The following LHFPL3 variants were observed in gnomAD, a reference collection of about 807,000 sequenced individuals.
The protein encoded by LHFPL3 is LHFPL tetraspan subfamily member 3.
In LHFPL3, 5 loss-of-function variants were observed where a neutral mutation model predicts 19.3. That is an observed-to-expected ratio of 0.26 (90% CI 0.14 to 0.54). The LOEUF is 0.54. Among genes scored for constraint, LHFPL3 ranks in the 20% least tolerant of loss-of-function variants. LHFPL3 has a pLI of 0.94. For missense variants in LHFPL3, 249 were observed against 307.4 expected, an observed-to-expected ratio of 0.81 and a Z score of 1.42; for synonymous variants, 133 against 126.2, an observed-to-expected ratio of 1.05 and a Z score of -0.36.
intron 1 of LHFPL3, among the ~76,000 whole-genome samples, chr7:104,406,209 G>A (rs748619110): frequency 1.3e-5 from 2 of 152,226 alleles, no homozygotes; most frequent in Admixed American, 6.5e-5. Context: ...CGAATGAGGT[G>A]TAATTGTGCT....
At chr7:104,373,568 G>C (rs569312461) in intron 1 of LHFPL3, among the ~76,000 whole-genome samples, 2 of 152,124 alleles carry the variant, frequency 1.3e-5, no homozygotes, top group Non-Finnish European at 2.9e-5. Context: ...GGGAACATGG[G>C]CCCAAGGTGG....
At chr7:104,420,044 T>G (rs923153489) in intron 1 of LHFPL3, among the ~76,000 whole-genome samples, 1 of 152,226 alleles carries the variant, frequency 6.6e-6, no homozygotes, top group Non-Finnish European at 1.5e-5. Context: ...TAAAGAGCTT[T>G]GGTTCTAACC....
intron 1 of LHFPL3, among the ~76,000 whole-genome samples, chr7:104,466,062 TG>T (rs1161028169): frequency 4.6e-5 from 7 of 152,240 alleles, no homozygotes; most frequent in Admixed American, 3.3e-4. Flanking sequence ...TGGAGAGTTC[TG>T]TAGAGGTCTA....
chr7:104,590,183 T>C (rs1790679339), intron 1 of LHFPL3, among the ~76,000 whole-genome samples: 1 of 152,236 alleles, frequency 6.6e-6, no homozygotes. Context: ...CTTTCTTCTC[T>C]AGTTCTTTCA....
rs185344861 is a variant in LHFPL3, at chr7:104,671,312, T to C, written c.446-65363T>C. On this transcript the variant is annotated intron_variant, in intron 1 of 2. Coordinates refer to ENST00000424859, the MANE Select transcript of LHFPL3 (RefSeq NM_199000.3). ...TAATGAAAAGCTAGGGTTTGCCCTC[T>C]TCATGTCTACTCTCCTTCCAAATAG... is the stretch of plus-strand genomic sequence containing the variant. Among the ~76,000 whole-genome samples, 12 of 152,176 alleles carry C rather than the reference T, an allele frequency of 7.9e-5. No individual in the cohort carries two copies. In the East Asian group the frequency reaches 2.3e-3, roughly 29 times the overall value.
intron 1 of LHFPL3, among the ~76,000 whole-genome samples, chr7:104,731,775 T>C (rs1371645104): frequency 6.6e-6 from 1 of 151,796 alleles, no homozygotes; most frequent in Non-Finnish European, 1.5e-5. Flanking sequence ...ATAGGAGTGG[T>C]GAGAGAGGGC....
intron 1 of LHFPL3, among the ~76,000 whole-genome samples, chr7:104,703,199 C>T (rs1793133148): frequency 6.6e-6 from 1 of 152,018 alleles, no homozygotes; most frequent in African/African-American, 2.4e-5. Context: ...TTTTTATCAC[C>T]GAACTGATGT....
In LHFPL3 at chr7:104,393,354, CAT is replaced by C. The variant is rs542413502; in HGVS notation, c.445+64133_445+64134del. ...GAAATGAAAACATATCACACAAAAA[CAT>C]ATGCATGAAGATCCATAATAACCAC... On this transcript the variant is annotated intron_variant, in intron 1 of 2. Coordinates refer to ENST00000424859, the MANE Select transcript of LHFPL3 (RefSeq NM_199000.3). 8.3e-4 allele frequency among the ~76,000 whole-genome samples: 126 copies of C among 152,020 alleles called. 4 individuals carry two copies. The South Asian group carries it at 0.025, about 31-fold the overall frequency.
At chr7:104,824,308 T>C (rs1336952738) in intron 2 of LHFPL3, among the ~76,000 whole-genome samples, 3 of 34,162 alleles carry the variant, frequency 8.8e-5, no homozygotes, top group African/African-American at 2.4e-4. Flanking sequence ...ATATTATATA[T>C]AATTATATAT....
chr7:104,845,486 G>T (rs1791296597), intron 2 of LHFPL3: 6 of 1,515,058 alleles, frequency 4.0e-6, no homozygotes, highest in Non-Finnish European at 5.3e-6. Flanking sequence ...TCTGCCTTCT[G>T]TTCCCGCATG....
chr7:104,374,219 TG>T (rs1790666325), intron 1 of LHFPL3, among the ~76,000 whole-genome samples: 1 of 151,698 alleles, frequency 6.6e-6, no homozygotes, highest in Non-Finnish European at 1.5e-5. Context: ...TGTGTGTGTG[TG>T]TGTGTGTGTG....
In LHFPL3 at chr7:104,523,267, T is replaced by C. The variant is rs183727846; in HGVS notation, c.445+194043T>C. 3.2e-3 allele frequency among the ~76,000 whole-genome samples: 491 copies of C among 152,178 alleles called. 1 individual carries two copies. Among genetic ancestry groups the C allele is most frequent in the African/African-American group, 0.011 (459 of 41,518 alleles). On this transcript the variant is annotated intron_variant, in intron 1 of 2. Coordinates refer to ENST00000424859, the MANE Select transcript of LHFPL3 (RefSeq NM_199000.3). ...ACAGCCTTTAAATAAATAAATTATT[T>C]CTAACTCTTTAATGATCTCATGTGA...
chr7:104,558,599 G>T (rs1191824267), intron 1 of LHFPL3, among the ~76,000 whole-genome samples: 1 of 150,620 alleles, frequency 6.6e-6, no homozygotes, highest in African/African-American at 2.5e-5. Context: ...AGATAAGTAG[G>T]TTGCGAAAAT....
intron 1 of LHFPL3, among the ~76,000 whole-genome samples, chr7:104,424,989 A>C (rs906960996): frequency 2.0e-5 from 3 of 149,748 alleles, no homozygotes; most frequent in Non-Finnish European, 4.4e-5. Flanking sequence ...CTCATAAAAA[A>C]AAAAAAAAAA....
At chr7:104,888,930 T>C (rs1172249771) in intron 2 of LHFPL3, among the ~76,000 whole-genome samples, 1 of 152,084 alleles carries the variant, frequency 6.6e-6, no homozygotes, top group Non-Finnish European at 1.5e-5. Flanking sequence ...AAGTCAGCAG[T>C]TAGAAAGATG....
At chr7:104,461,934 G>A (rs1792672540) in intron 1 of LHFPL3, among the ~76,000 whole-genome samples, 1 of 151,868 alleles carries the variant, frequency 6.6e-6, no homozygotes, top group Non-Finnish European at 1.5e-5. Flanking sequence ...TCTTTGAGGA[G>A]TGTTTTGTAA....
chr7:104,339,197 G>A (rs981428439), intron 1 of LHFPL3, among the ~76,000 whole-genome samples: 40 of 151,994 alleles, frequency 2.6e-4, no homozygotes, highest in African/African-American at 8.0e-4. Flanking sequence ...GCAGTGAGCC[G>A]AGATGTTGCC....
At chr7:104,841,975 G>A (rs953237197) in intron 2 of LHFPL3, among the ~76,000 whole-genome samples, 1 of 149,746 alleles carries the variant, frequency 6.7e-6, no homozygotes, top group Admixed American at 6.6e-5. Context: ...CAGATCCAGT[G>A]GGAGCCACTT....
intron 1 of LHFPL3, among the ~76,000 whole-genome samples, chr7:104,633,752 T>C (rs1791683591): frequency 6.6e-6 from 1 of 152,244 alleles, no homozygotes; most frequent in Non-Finnish European, 1.5e-5. Flanking sequence ...CTGTCCTAGA[T>C]GTAAAAGTTC....
Sources: allele counts gnomAD v4.1 joint callset (sites outside exome capture counted in the v4.1 genomes callset), GRCh38; gene constraint gnomAD v4.1.1; transcripts MANE v1.5; gene names NCBI Gene and HGNC (gene_info 2026-07-23, HGNC 2026-07-21).